ZNF385B: variants seen among roughly 807,000 people sequenced by gnomAD.
The protein encoded by ZNF385B is zinc finger protein 385B.
ZNF385B carries 23 observed loss-of-function variants against 39.2 expected under a neutral mutation model. The ratio of observed to expected loss-of-function variants is 0.59; its 90% CI spans 0.42 to 0.83. The LOEUF (loss-of-function observed/expected upper bound fraction) is 0.83. Ranked by LOEUF, ZNF385B falls within the 40% of genes least tolerant of loss-of-function variation. ZNF385B has a pLI of 0.00. For synonymous variants in ZNF385B, 205 were observed against 222.6 expected (o/e 0.92, Z 0.70); for missense variants, 552 against 598.9 (o/e 0.92, Z 0.82).
intron 5 of ZNF385B, among the ~76,000 whole-genome samples, chr2:179,511,743 T>C (rs961748330): frequency 5.9e-5 from 9 of 152,294 alleles, no homozygotes; most frequent in African/African-American, 2.2e-4. Flanking sequence ...TTGTACTTAA[T>C]CATTCTAATG....
At chr2:179,701,236 T>C (rs1479669689) in intron 3 of ZNF385B, among the ~76,000 whole-genome samples, 2 of 152,190 alleles carry the variant, frequency 1.3e-5, no homozygotes, top group Non-Finnish European at 2.9e-5. Flanking sequence ...TATCACCCAG[T>C]GATGAATATA....
At chr2:179,601,597 G>A (rs1202076085) in intron 3 of ZNF385B, among the ~76,000 whole-genome samples, 1 of 152,112 alleles carries the variant, frequency 6.6e-6, no homozygotes, top group Non-Finnish European at 1.5e-5. Context: ...TTGTGCCCCA[G>A]TGACTTGAAG....
At chr2:179,471,958 A>G (rs1191958758) in intron 6 of ZNF385B, among the ~76,000 whole-genome samples, 1 of 152,198 alleles carries the variant, frequency 6.6e-6, no homozygotes, top group Non-Finnish European at 1.5e-5. Context: ...TTCCCCTAGT[A>G]CTAATAATCT....
chr2:179,694,529 T>C (rs1242656300), intron 3 of ZNF385B, among the ~76,000 whole-genome samples: 2 of 152,186 alleles, frequency 1.3e-5, no homozygotes, highest in Non-Finnish European at 2.9e-5. Flanking sequence ...ACTGAGCATG[T>C]TGACACATAG....
At chr2:179,508,571 A>G (rs192670343) in intron 5 of ZNF385B, among the ~76,000 whole-genome samples, 3 of 152,356 alleles carry the variant, frequency 2.0e-5, no homozygotes, top group Admixed American at 1.3e-4. Flanking sequence ...ACAGGAAAAA[A>G]GAAAACCCAT....
chr2:179,753,286 G>C (rs929990243), intron 3 of ZNF385B, among the ~76,000 whole-genome samples: 2 of 151,982 alleles, frequency 1.3e-5, no homozygotes, highest in Admixed American at 6.6e-5. Flanking sequence ...CTGTTCCATT[G>C]GTCTATATAT....
At chr2:179,775,219 G>A (rs913683533) in intron 1 of ZNF385B, among the ~76,000 whole-genome samples, 2 of 152,148 alleles carry the variant, frequency 1.3e-5, no homozygotes, top group African/African-American at 4.8e-5. Context: ...TTCAGATATG[G>A]AAGGCTATAT....
intron 5 of ZNF385B, among the ~76,000 whole-genome samples, chr2:179,496,310 T>G (rs949955579): frequency 6.6e-6 from 1 of 151,750 alleles, no homozygotes; most frequent in African/African-American, 2.4e-5. Context: ...GAAAAAAGAA[T>G]TAAAAAAACA....
chr2:179,579,059 G>A (rs184891691), intron 3 of ZNF385B, among the ~76,000 whole-genome samples: 1 of 152,040 alleles, frequency 6.6e-6, no homozygotes, highest in East Asian at 1.9e-4. Flanking sequence ...GACAAATCTG[G>A]GAACACTAGG....
chr2:179,469,315 AT>A (rs1477476068), intron 6 of ZNF385B, among the ~76,000 whole-genome samples: 4 of 152,188 alleles, frequency 2.6e-5, no homozygotes, highest in African/African-American at 7.2e-5. Context: ...TCGCAAAAAA[AT>A]CTCATAATGT....
intron 1 of ZNF385B, among the ~76,000 whole-genome samples, chr2:179,774,652 C>T (rs146158366): frequency 3.5e-4 from 54 of 152,154 alleles, no homozygotes; most frequent in African/African-American, 1.1e-3. Flanking sequence ...CCACCGCACC[C>T]GGCCAAGGTC....
Position 179,512,944 on chromosome 2 carries a change from T to C in ZNF385B, c.552+5584A>G, listed in dbSNP as rs541635622. On this transcript the variant is annotated intron_variant, in intron 5 of 9. Coordinates refer to ENST00000410066, the MANE Select transcript of ZNF385B (RefSeq NM_152520.6). ...CAACAGGGTAGTTCTACTGAGATGA[T>C]ATAAGCTAGACAAAGGGGGGTACAG... Among the ~76,000 whole-genome samples, 76 of 152,286 alleles carry C rather than the reference T, an allele frequency of 5.0e-4. 1 individual carries two copies. Among genetic ancestry groups the C allele is most frequent in the African/African-American group, 1.6e-3 (66 of 41,572 alleles).
At chr2:179,846,410 C>T (rs541672028) in intron 1 of ZNF385B, among the ~76,000 whole-genome samples, 2 of 152,266 alleles carry the variant, frequency 1.3e-5, no homozygotes, top group East Asian at 3.9e-4. Context: ...ATGTTAGAAA[C>T]GGGGTTGCCC....
intron 3 of ZNF385B, among the ~76,000 whole-genome samples, chr2:179,666,613 G>A (rs956222295): frequency 6.6e-6 from 1 of 151,652 alleles, no homozygotes; most frequent in Non-Finnish European, 1.5e-5. Flanking sequence ...TTTTATTAAT[G>A]AAGAAACTGA....
chr2:179,678,357 A>T (rs1697145782), intron 3 of ZNF385B, among the ~76,000 whole-genome samples: 1 of 152,166 alleles, frequency 6.6e-6, no homozygotes, highest in African/African-American at 2.4e-5. Context: ...TAAAGCCTAT[A>T]TTTCCCAGCC....
intron 3 of ZNF385B, among the ~76,000 whole-genome samples, chr2:179,691,713 T>A (rs1306506633): frequency 1.6e-4 from 24 of 152,144 alleles, no homozygotes; most frequent in Non-Finnish European, 2.9e-5. Flanking sequence ...CAAAAACAAG[T>A]AATTTTTCAG....
intron 3 of ZNF385B, among the ~76,000 whole-genome samples, chr2:179,547,702 C>T (rs2060320983): frequency 1.3e-5 from 2 of 149,354 alleles, no homozygotes; most frequent in Non-Finnish European, 3.0e-5. Flanking sequence ...TATTCTGGAT[C>T]CTTTGTGCTT....
chr2:179,567,286 T>A (rs1247071808), intron 3 of ZNF385B, among the ~76,000 whole-genome samples: 2 of 151,966 alleles, frequency 1.3e-5, no homozygotes, highest in Non-Finnish European at 2.9e-5. Flanking sequence ...TTTTCACAAG[T>A]TTACTTATTT....
At chr2:179,777,774 T>TTG (rs1258413366) in intron 1 of ZNF385B, among the ~76,000 whole-genome samples, 3 of 151,740 alleles carry the variant, frequency 2.0e-5, no homozygotes, top group African/African-American at 4.8e-5. Context: ...AAGAGGTTTT[T>TTG]TTTTTTTTTT....
Sources: allele counts gnomAD v4.1 joint callset (sites outside exome capture counted in the v4.1 genomes callset), GRCh38; gene constraint gnomAD v4.1.1; transcripts MANE v1.5; gene names NCBI Gene and HGNC (gene_info 2026-07-23, HGNC 2026-07-21).